Variants in TANK observed in about 807,000 individuals in gnomAD.
The protein encoded by TANK is TRAF family member-associated NF-kappa-B activator.
A neutral mutation model predicts 43.6 loss-of-function variants in TANK; 15 were observed. That is an observed-to-expected ratio of 0.34 (90% CI 0.23 to 0.53). The LOEUF (loss-of-function observed/expected upper bound fraction) is 0.53. TANK is among the 20% of genes least tolerant of loss of function. The pLI is 0.94. For missense variants in TANK, 417 were observed against 498.6 expected, an observed-to-expected ratio of 0.84 and a Z score of 1.56; for synonymous variants, 162 against 178.2, an observed-to-expected ratio of 0.91 and a Z score of 0.73.
At chr2:161,212,313 G>A (rs1459103052) in intron 4 of TANK, 7 of 901,160 alleles carry the variant, frequency 7.8e-6, no homozygotes, top group Non-Finnish European at 9.3e-6. Flanking sequence ...CACCTGCCTC[G>A]GCCTCCCATA....
At chr2:161,203,110 AGTAT>A (rs1010855400) in intron 2 of TANK, 1 of 242,308 alleles carries the variant, frequency 4.1e-6, no homozygotes, top group African/African-American at 2.4e-5. Flanking sequence ...TTTTTAAGTT[AGTAT>A]GTATTTTTAA....
In TANK at chr2:161,231,018, CAAG is replaced by C. The variant is rs764478908; in HGVS notation, c.572_574del (p.Glu191del). 1 of 1,614,062 alleles carries C rather than the reference CAAG, an allele frequency of 6.2e-7. No homozygotes were observed. ...ACAGTGTACGGATAAAACAGATAAA[CAAG>C]AAGCGCTGTTTAAGCCTCAGGCTAA... On this transcript the variant is annotated inframe_deletion, in exon 7 of 8. Transcript: ENST00000392749.
At chr2:161,201,562 A>C (rs1327666837) in intron 2 of TANK, among the ~76,000 whole-genome samples, 1 of 152,192 alleles carries the variant, frequency 6.6e-6, no homozygotes, top group Non-Finnish European at 1.5e-5. Flanking sequence ...AAGTGAAAAA[A>C]ATAGGTACTT....
intron 2 of TANK, chr2:161,200,408 C>G (rs75395164): frequency 0.038 from 36,668 of 974,572 alleles, 929 homozygotes; most frequent in East Asian, 0.18. Flanking sequence ...AGCATTTAAT[C>G]AAATGAAAAA....
chr2:161,213,372 G>C (rs1014342930), intron 4 of TANK, among the ~76,000 whole-genome samples: 1 of 152,168 alleles, frequency 6.6e-6, no homozygotes, highest in African/African-American at 2.4e-5. Context: ...GGAGGCCAAG[G>C]TGGGTGGATC....
chr2:161,143,246 T>C (rs1018592519), intron 1 of TANK, among the ~76,000 whole-genome samples: 3 of 152,206 alleles, frequency 2.0e-5, no homozygotes, highest in South Asian at 4.1e-4. Context: ...GTTTTCTAAA[T>C]ATAGACTCAT....
intron 1 of TANK, chr2:161,161,574 T>A (rs1449476869): frequency 4.1e-6 from 5 of 1,224,798 alleles, no homozygotes; most frequent in Non-Finnish European, 5.5e-6. Flanking sequence ...TTCCTGTATG[T>A]GCATAACCAT....
At chr2:161,216,230 T>A (rs2105368661) in intron 4 of TANK, among the ~76,000 whole-genome samples, 1 of 152,308 alleles carries the variant, frequency 6.6e-6, no homozygotes, top group South Asian at 2.1e-4. Context: ...CTTAATAATA[T>A]TATAGGGAGC....
chr2:161,185,831 G>A (rs1354755099), intron 2 of TANK, among the ~76,000 whole-genome samples: 2 of 151,876 alleles, frequency 1.3e-5, no homozygotes, highest in Non-Finnish European at 2.9e-5. Flanking sequence ...CCTGCACAAT[G>A]TGCACATGTA....
At chr2:161,160,748 C>A in intron 1 of TANK, 2 of 562,762 alleles carry the variant, frequency 3.6e-6, no homozygotes, top group South Asian at 3.2e-5. Context: ...GCCTCTGCCC[C>A]AACGGCTTCA....
chr2:161,141,199 C>A (rs189874366), intron 1 of TANK, among the ~76,000 whole-genome samples: 60 of 152,264 alleles, frequency 3.9e-4, no homozygotes, highest in African/African-American at 1.4e-3. Flanking sequence ...AAACAGTGTA[C>A]TATTAAGCAG....
intron 2 of TANK, among the ~76,000 whole-genome samples, chr2:161,195,654 G>A (rs1035628322): frequency 3.9e-5 from 6 of 151,908 alleles, no homozygotes; most frequent in African/African-American, 4.8e-5. Context: ...TGAGGGGTAG[G>A]GAAAAAGTAT....
intron 1 of TANK, among the ~76,000 whole-genome samples, chr2:161,175,653 C>G (rs370579545): frequency 2.6e-5 from 4 of 151,976 alleles, no homozygotes; most frequent in African/African-American, 9.7e-5. Context: ...TCTCTTACTC[C>G]AGGACAGTTT....
intron 4 of TANK, chr2:161,208,227 G>T: frequency 4.1e-6 from 4 of 985,304 alleles, no homozygotes; most frequent in Non-Finnish European, 4.8e-6. Context: ...AGAGGCAAGA[G>T]GGATATTTGA....
intron 1 of TANK, among the ~76,000 whole-genome samples, chr2:161,177,501 T>A (rs958265912): frequency 2.0e-5 from 3 of 152,062 alleles, no homozygotes; most frequent in African/African-American, 7.2e-5. Flanking sequence ...AAAGAATGAA[T>A]CTGGACCCCT....
intron 1 of TANK, among the ~76,000 whole-genome samples, chr2:161,177,224 G>A (rs984841179): frequency 1.3e-5 from 2 of 152,124 alleles, no homozygotes; most frequent in Non-Finnish European, 2.9e-5. Context: ...AATGCATAAA[G>A]AATTGCCATT....
At chr2:161,205,899 G>C (rs1383345923) in intron 4 of TANK, among the ~76,000 whole-genome samples, 2 of 152,136 alleles carry the variant, frequency 1.3e-5, no homozygotes, top group Non-Finnish European at 2.9e-5. Flanking sequence ...CACCTCCTGG[G>C]TTCAAGCAAT....
chr2:161,223,260 C>T (rs578012683), intron 4 of TANK: 2 of 152,094 alleles, frequency 1.3e-5, no homozygotes, highest in African/African-American at 4.8e-5. Context: ...CCATAGAATA[C>T]ATTATTACAA....
intron 4 of TANK, among the ~76,000 whole-genome samples, chr2:161,213,193 AC>A (rs535809076): frequency 5.8e-4 from 88 of 152,158 alleles, no homozygotes; most frequent in African/African-American, 2.1e-3. Flanking sequence ...ATTAGGCCCC[AC>A]CTCCAACATT....
Sources: allele counts gnomAD v4.1 joint callset (sites outside exome capture counted in the v4.1 genomes callset), GRCh38; gene constraint gnomAD v4.1.1; transcripts MANE v1.5; gene names NCBI Gene and HGNC (gene_info 2026-07-23, HGNC 2026-07-21).